Variants in NDUFAF2 observed in about 807,000 individuals in gnomAD.
NDUFAF2 encodes the protein NADH dehydrogenase [ubiquinone] 1 alpha subcomplex assembly factor 2.
NDUFAF2 carries 13 observed loss-of-function variants against 22.8 expected under a neutral mutation model. The ratio of observed to expected loss-of-function variants is 0.57; its 90% CI spans 0.37 to 0.91. The LOEUF is 0.91. Ranked by LOEUF, NDUFAF2 falls within the 40% of genes least tolerant of loss-of-function variation. The probability of loss-of-function intolerance (pLI) is 0.01; values close to 1 mark genes in which losing one functional copy is unlikely to be tolerated. For missense variants in NDUFAF2, 162 were observed against 195.2 expected (o/e 0.83, Z 1.01); for synonymous variants, 53 against 64.2 (o/e 0.83, Z 0.84).
intron 1 of NDUFAF2, among the ~76,000 whole-genome samples, chr5:60,989,347 G>T (rs948544694): frequency 2.0e-5 from 3 of 152,144 alleles, no homozygotes; most frequent in Non-Finnish European, 4.4e-5. Context: ...GGAAATCAGT[G>T]TGGCAATTCC....
chr5:61,018,572 A>G (rs158567), intron 1 of NDUFAF2, among the ~76,000 whole-genome samples: 21,094 of 152,184 alleles, frequency 0.14, 1,817 homozygotes, highest in South Asian at 0.28. Context: ...AGAATTTAAC[A>G]TAAGTATTTT....
At chr5:61,069,359 C>T (rs1752267953) in intron 1 of NDUFAF2, among the ~76,000 whole-genome samples, 1 of 152,138 alleles carries the variant, frequency 6.6e-6, no homozygotes, top group South Asian at 2.1e-4. Flanking sequence ...CTCTACAACC[C>T]AGTGTGGTCT....
intron 2 of NDUFAF2, among the ~76,000 whole-genome samples, chr5:61,081,666 A>G (rs1039707653): frequency 2.6e-5 from 4 of 152,232 alleles, no homozygotes; most frequent in Non-Finnish European, 4.4e-5. Flanking sequence ...TTTTCCAGAG[A>G]TATTTAAAGT....
intron 1 of NDUFAF2, among the ~76,000 whole-genome samples, chr5:60,987,477 A>T (rs1751098082): frequency 6.6e-6 from 1 of 152,144 alleles, no homozygotes; most frequent in African/African-American, 2.4e-5. Context: ...CAACAACAAC[A>T]ATAGCAATAA....
intron 3 of NDUFAF2, among the ~76,000 whole-genome samples, chr5:61,117,390 C>T (rs1442562559): frequency 6.6e-6 from 1 of 152,192 alleles, no homozygotes; most frequent in Non-Finnish European, 1.5e-5. Context: ...GGGTCTTGCT[C>T]TGTTGCCCAA....
intron 1 of NDUFAF2, among the ~76,000 whole-genome samples, chr5:60,979,356 A>G (rs1003903467): frequency 6.6e-6 from 1 of 152,096 alleles, no homozygotes; most frequent in Non-Finnish European, 1.5e-5. Flanking sequence ...AAGTGGGCTC[A>G]TGGGGCCCCC....
intron 3 of NDUFAF2, among the ~76,000 whole-genome samples, chr5:61,120,635 T>G (rs1011361409): frequency 6.6e-6 from 1 of 152,172 alleles, no homozygotes; most frequent in Non-Finnish European, 1.5e-5. Flanking sequence ...TTATGAATTA[T>G]TTTTAGATAT....
At chr5:60,994,274 G>A (rs755848732) in intron 1 of NDUFAF2, among the ~76,000 whole-genome samples, 9 of 152,234 alleles carry the variant, frequency 5.9e-5, no homozygotes, top group Non-Finnish European at 8.8e-5. Flanking sequence ...AGTCTCCCGA[G>A]AGTGCACAGA....
intron 3 of NDUFAF2, 30 bp downstream of exon 3, chr5:61,099,062 G>A: frequency 6.5e-7 from 1 of 1,535,714 alleles, no homozygotes; most frequent in Non-Finnish European, 8.9e-7. Flanking sequence ...ATATCATTTA[G>A]GAGTATATAT....
At chr5:61,105,422 A>C (rs1453927443) in intron 3 of NDUFAF2, among the ~76,000 whole-genome samples, 2 of 151,226 alleles carry the variant, frequency 1.3e-5, no homozygotes, top group African/African-American at 4.9e-5. Flanking sequence ...GAGTGTATGT[A>C]TGTATTTATG....
intron 1 of NDUFAF2, among the ~76,000 whole-genome samples, chr5:60,992,178 A>G (rs1751167319): frequency 6.6e-6 from 1 of 152,142 alleles, no homozygotes; most frequent in South Asian, 2.1e-4. Flanking sequence ...TGAGCTCTTC[A>G]TATATACTCT....
intron 3 of NDUFAF2, among the ~76,000 whole-genome samples, chr5:61,107,046 T>TATACACACACAC (rs1295236944): frequency 3.2e-5 from 4 of 123,938 alleles, no homozygotes; most frequent in Non-Finnish European, 3.2e-5. Flanking sequence ...TGGATAAATA[T>TATACACACACAC]ACACACACAC....
intron 2 of NDUFAF2, among the ~76,000 whole-genome samples, chr5:61,088,444 A>T (rs1169019185): frequency 6.6e-6 from 1 of 152,004 alleles, no homozygotes; most frequent in African/African-American, 2.4e-5. Context: ...TATGGGTAGG[A>T]TAAGGTGGGT....
intron 1 of NDUFAF2, among the ~76,000 whole-genome samples, chr5:61,072,471 T>C (rs1252780370): frequency 6.6e-6 from 1 of 152,224 alleles, no homozygotes; most frequent in African/African-American, 2.4e-5. Context: ...GATATATACA[T>C]GTAAGTCAGA....
At chr5:60,980,554 T>G (rs1053560312) in intron 1 of NDUFAF2, among the ~76,000 whole-genome samples, 2 of 152,098 alleles carry the variant, frequency 1.3e-5, no homozygotes, top group East Asian at 3.9e-4. Context: ...GGTGGATTGC[T>G]TGAGGTCAGA....
intron 1 of NDUFAF2, among the ~76,000 whole-genome samples, chr5:61,021,624 C>A (rs1751585435): frequency 6.6e-6 from 1 of 152,190 alleles, no homozygotes; most frequent in Non-Finnish European, 1.5e-5. Context: ...TTTCCTTCCC[C>A]CACCTTTCCC....
At chr5:60,992,365 A>G (rs1443020837) in intron 1 of NDUFAF2, among the ~76,000 whole-genome samples, 4 of 152,156 alleles carry the variant, frequency 2.6e-5, no homozygotes. Flanking sequence ...TACTCAAGAA[A>G]TCTTTGCCCA....
At chr5:60,950,676 A>G (rs1310498288) in intron 1 of NDUFAF2, among the ~76,000 whole-genome samples, 1 of 144,960 alleles carries the variant, frequency 6.9e-6, no homozygotes, top group East Asian at 2.0e-4. Context: ...TGGAATGATC[A>G]TGTGGTGAAT....
chr5:61,089,637 G>A (rs1246896358), intron 2 of NDUFAF2, among the ~76,000 whole-genome samples: 1 of 151,998 alleles, frequency 6.6e-6, no homozygotes, highest in African/African-American at 2.4e-5. Context: ...AAATATACAA[G>A]CTTATTTCAG....
Sources: gnomAD v4.1 joint callset for allele counts (sites outside exome capture counted in the v4.1 genomes callset) on GRCh38, gnomAD v4.1.1 for gene constraint, MANE v1.5 for transcripts, NCBI Gene and HGNC (gene_info 2026-07-23, HGNC 2026-07-21) for gene names.